CASZ1: variants seen among roughly 807,000 people sequenced by gnomAD.
CASZ1 encodes castor zinc finger 1, also known as zinc finger protein castor homolog 1.
In CASZ1, 28 loss-of-function variants were observed where a neutral mutation model predicts 135.2. The ratio of observed to expected loss-of-function variants is 0.21; its 90% CI spans 0.15 to 0.28. The LOEUF is 0.28. CASZ1 is among the 10% of genes least tolerant of loss of function. The probability of loss-of-function intolerance (pLI) is 1.00; values close to 1 mark genes in which losing one functional copy is unlikely to be tolerated. For missense variants in CASZ1, 2,161 were observed against 2,453.3 expected (o/e 0.88, Z 2.52); for synonymous variants, 1,068 against 1,073.4 (o/e 0.99, Z 0.10).
intron 2 of CASZ1, among the ~76,000 whole-genome samples, chr1:10,737,584 C>A (rs1350254051): frequency 1.3e-5 from 2 of 152,280 alleles, no homozygotes; most frequent in African/African-American, 4.8e-5. Context: ...TCTGGGGGAC[C>A]TCCCAGACCT....
intron 4 of CASZ1, among the ~76,000 whole-genome samples, chr1:10,683,584 C>T (rs1332940060): frequency 6.6e-6 from 1 of 152,184 alleles, no homozygotes; most frequent in Non-Finnish European, 1.5e-5. Flanking sequence ...AAACATGCAT[C>T]GTGAACCTGT....
At chr1:10,702,945 G>GGAGAGAGAGGGAGAGGCA (rs1553133985) in intron 3 of CASZ1, among the ~76,000 whole-genome samples, 28 of 146,148 alleles carry the variant, frequency 1.9e-4, no homozygotes, top group Admixed American at 1.5e-3. Flanking sequence ...TAGATGAAAA[G>GGAGAGAGAGGGAGAGGCA]GAGAGAGAGG....
intron 2 of CASZ1, among the ~76,000 whole-genome samples, chr1:10,734,990 C>T (rs752003644): frequency 1.3e-5 from 2 of 152,148 alleles, no homozygotes; most frequent in Non-Finnish European, 1.5e-5. Context: ...CCCTTGAGGG[C>T]GGCCACATAC....
Position 10,717,738 on chromosome 1 carries a change from C to T in CASZ1, c.-76-12194G>A, listed in dbSNP as rs1030823144. ...GTCAGAGCTGCCGGCACCCTGAACT[C>T]GGTCCCAGGGCGTGGCATGGGGCTT... On this transcript the variant is annotated intron_variant, in intron 2 of 20. Transcript: ENST00000377022. The surrounding 1 kb of genome is among the most constrained non-coding windows in gnomAD (Gnocchi z 4.6). Among the ~76,000 whole-genome samples, 5 of 152,172 alleles carry T rather than the reference C, an allele frequency of 3.3e-5. No individual in the cohort carries two copies. The highest frequency in any genetic ancestry group is 2.1e-4 in the South Asian group (1 of 4,832).
intron 1 of CASZ1, among the ~76,000 whole-genome samples, chr1:10,765,850 G>C (rs1013426553): frequency 6.6e-6 from 1 of 152,138 alleles, no homozygotes; most frequent in African/African-American, 2.4e-5. Flanking sequence ...CCCTTCCTCC[G>C]TATCACTCAC....
In CASZ1 at chr1:10,762,106, C is replaced by T. The variant is rs1278203402; in HGVS notation, c.-233-1249G>A. Among the ~76,000 whole-genome samples, 1 of 152,212 alleles carries T rather than the reference C, an allele frequency of 6.6e-6. No individual in the cohort carries two copies. The highest frequency in any genetic ancestry group is 1.9e-4 in the East Asian group (1 of 5,192). ...TTGCAGGAGTGCACGAACCCCTCCC[C>T]TCCTGCCTCCCAAGGTTGGACCTGA... is the stretch of plus-strand genomic sequence containing the variant. On this transcript the variant is annotated intron_variant, in intron 1 of 20. Transcript: ENST00000377022. This position sits in a 1 kb window ranked among gnomAD's most constrained non-coding sequence, Gnocchi z 4.1.
rs559860907 is a variant in CASZ1, at chr1:10,697,590, A to AC, written c.-23-3679dup. 3.8e-3 allele frequency among the ~76,000 whole-genome samples: 542 copies of AC among 143,230 alleles called. 3 individuals are homozygous for AC. The highest frequency in any genetic ancestry group is 0.012 in the South Asian group (51 of 4,434). 94.0% of individuals were successfully genotyped at this position (143,230 alleles called of 152,430 possible). Reference sequence around the variant, plus strand: ...CACACTGCTATCGCTGGTTCCTGTTACCCCCCCCGCACCCCCAAGTTGCCC... The same window carrying AC: ...CACACTGCTATCGCTGGTTCCTGTTACCCCCCCCCGCACCCCCAAGTTGCCC... On this transcript the variant is annotated intron_variant, in intron 3 of 20. Coordinates refer to ENST00000377022, the MANE Select transcript of CASZ1 (RefSeq NM_001079843.3). The surrounding 1 kb of genome is among the most constrained non-coding windows in gnomAD (Gnocchi z 4.7).
chr1:10,643,534 G>A (rs1054744028), intron 18 of CASZ1, among the ~76,000 whole-genome samples: 2 of 152,232 alleles, frequency 1.3e-5, no homozygotes, highest in African/African-American at 4.8e-5. Context: ...GCCTGGCAGA[G>A]GCGAGTGACA....
intron 2 of CASZ1, among the ~76,000 whole-genome samples, chr1:10,760,212 T>C (rs1415417256): frequency 6.6e-6 from 1 of 152,066 alleles, no homozygotes; most frequent in Non-Finnish European, 1.5e-5. Flanking sequence ...TCCTACCACA[T>C]ATGAGCTTAC....
At chr1:10,654,671 G>A (rs1016198400) in intron 9 of CASZ1, 80 bp from the exon 10 acceptor site, 87 of 1,395,670 alleles carry the variant, frequency 6.2e-5, no homozygotes, top group Non-Finnish European at 8.3e-5. Context: ...TGTGTGGCTG[G>A]GGCCACTGAC....
In CASZ1 at chr1:10,666,440, C is replaced by A. The variant is rs562213284; in HGVS notation, c.17-869G>T. Among the ~76,000 whole-genome samples, 3 of 152,278 alleles carry A rather than the reference C, an allele frequency of 2.0e-5. No individual in the cohort carries two copies. In the South Asian group the frequency reaches 6.2e-4, roughly 32 times the overall value. ...ACTTCCTAGGGCCACTTGTCCCTAT[C>A]CTAGGACCTTGCTCCCCAGCCTCGG... On this transcript the variant is annotated intron_variant, in intron 4 of 20. Transcript: ENST00000377022. The surrounding 1 kb of genome is among the most constrained non-coding windows in gnomAD (Gnocchi z 5.2).
At chr1:10,687,630 C>T (rs965870407) in intron 4 of CASZ1, among the ~76,000 whole-genome samples, 3 of 152,202 alleles carry the variant, frequency 2.0e-5, no homozygotes, top group Admixed American at 2.0e-4. Flanking sequence ...TGAGAGAGGG[C>T]AGACATGCAG....
chr1:10,645,955 C>A (rs1557459452), intron 17 of CASZ1, among the ~76,000 whole-genome samples, 173 bp downstream of exon 17: 1 of 152,158 alleles, frequency 6.6e-6, no homozygotes, highest in Non-Finnish European at 1.5e-5. Context: ...GCCCAGGGGT[C>A]TCCAGGGGCC....
At chr1:10,781,552 G>A (rs1432785119) in intron 1 of CASZ1, among the ~76,000 whole-genome samples, 3 of 152,180 alleles carry the variant, frequency 2.0e-5, no homozygotes, top group Admixed American at 6.5e-5. Flanking sequence ...TGTACTGGGC[G>A]GACACGTTTG....
chr1:10,776,276 G>T lies in CASZ1; in HGVS notation c.-233-15419C>A, dbSNP rs1412144412. Among the ~76,000 whole-genome samples, 1 of 152,184 alleles carries T rather than the reference G, an allele frequency of 6.6e-6. No homozygotes were observed. The highest frequency in any genetic ancestry group is 1.9e-4 in the East Asian group (1 of 5,192). ...TACATTCAATTACCTTTTTACTTGAGATTTACATTCTCATCCCCTTAATCT... is the reference window on the plus strand; with the variant it reads ...TACATTCAATTACCTTTTTACTTGATATTTACATTCTCATCCCCTTAATCT... On this transcript the variant is annotated intron_variant, in intron 1 of 20. Coordinates refer to ENST00000377022, the MANE Select transcript of CASZ1 (RefSeq NM_001079843.3). The surrounding 1 kb of genome is among the most constrained non-coding windows in gnomAD (Gnocchi z 4.1).
At chr1:10,740,664 A>G (rs1639898712) in intron 2 of CASZ1, among the ~76,000 whole-genome samples, 1 of 152,078 alleles carries the variant, frequency 6.6e-6, no homozygotes, top group African/African-American at 2.4e-5. Flanking sequence ...AAATCAGAAA[A>G]ATTTCAGGGC....
intron 1 of CASZ1, among the ~76,000 whole-genome samples, chr1:10,768,121 C>T (rs1224666718): frequency 5.9e-5 from 9 of 152,202 alleles, no homozygotes; most frequent in African/African-American, 2.2e-4. Flanking sequence ...TGAGGCAGGC[C>T]GCCCTGATCT....
chr1:10,664,113 G>A (rs1012679910), intron 5 of CASZ1, among the ~76,000 whole-genome samples: 1 of 152,224 alleles, frequency 6.6e-6, no homozygotes, highest in African/African-American at 2.4e-5. Flanking sequence ...TGTGGCGAAG[G>A]ATAATTAAAC....
intron 2 of CASZ1, among the ~76,000 whole-genome samples, chr1:10,732,864 C>G (rs1639727315): frequency 6.6e-6 from 1 of 152,098 alleles, no homozygotes; most frequent in Admixed American, 6.5e-5. Flanking sequence ...TAGAGCCGAA[C>G]AGGGAGTCTT....
Sources: allele counts gnomAD v4.1 joint callset (sites outside exome capture counted in the v4.1 genomes callset), GRCh38; gene constraint gnomAD v4.1.1; non-coding constraint Gnocchi (gnomAD v3.1); transcripts MANE v1.5; gene names NCBI Gene and HGNC (gene_info 2026-07-23, HGNC 2026-07-21).